Variants in CD99L2 observed in about 807,000 individuals in gnomAD.
CD99L2 encodes the protein CD99 antigen-like protein 2.
Under a neutral mutation model 27.3 loss-of-function variants are expected in CD99L2, and 24 were observed. The ratio of observed to expected loss-of-function variants is 0.88; its 90% confidence interval spans 0.64 to 1.24. The LOEUF (loss-of-function observed/expected upper bound fraction) is 1.24, where lower values mean the gene tolerates loss of function less well. Among genes scored for constraint, CD99L2 ranks in the 50% most tolerant of loss-of-function variants. The pLI is 0.00. For synonymous variants in CD99L2, 97 were observed against 87.9 expected (o/e 1.10, Z -0.58); for missense variants, 255 against 221.6 (o/e 1.15, Z -0.96).
intron 9 of CD99L2, among the ~76,000 whole-genome samples, chrX:150,771,017 A>T (rs1418090152): frequency 8.9e-6 from 1 of 112,501 alleles, no homozygotes; most frequent in African/African-American, 3.2e-5. Flanking sequence ...GACTGTACCA[A>T]GCATTCCCTC....
rs1183921087 is a variant in CD99L2 at position 150,879,919 on chromosome X, T to A, written c.67+18603A>T. Among the ~76,000 whole-genome samples the A allele has an allele frequency of 3.6e-5, 3 of 83,642 alleles. No individual in the cohort carries two copies. The Admixed American group carries it at 4.1e-4, about 12-fold the overall frequency. 72.6% of individuals were successfully genotyped at this position (83,642 alleles called of 115,157 possible). On this transcript the variant is annotated intron_variant, in intron 1 of 10. Coordinates refer to ENST00000370377, the MANE Select transcript of CD99L2 (RefSeq NM_031462.4). ...CAGCCTGGGTGACAGAGCAACACCC[T>A]GTCTCCAAAAAAAAAAAAAAAAAAA...
chrX:150,784,182 G>A (rs781867140), intron 7 of CD99L2, among the ~76,000 whole-genome samples: 1 of 110,736 alleles, frequency 9.0e-6, no homozygotes, highest in South Asian at 3.9e-4. Flanking sequence ...CCCCCATTTG[G>A]TTCCTTGTGT....
chrX:150,824,861 G>C (rs898162632), intron 2 of CD99L2, among the ~76,000 whole-genome samples: 60 of 111,978 alleles, frequency 5.4e-4, no homozygotes, highest in African/African-American at 1.9e-3. Context: ...TTTGGAAGTT[G>C]AGAATATGGG....
chrX:150,865,301 C>A (rs782692915), intron 1 of CD99L2, among the ~76,000 whole-genome samples: 6 of 109,789 alleles, frequency 5.5e-5, no homozygotes, highest in Non-Finnish European at 1.1e-4. Context: ...AGTTTGAGAC[C>A]GGCCTGGGCA....
chrX:150,850,744 T>C (rs1272944334), intron 1 of CD99L2, among the ~76,000 whole-genome samples: 1 of 112,393 alleles, frequency 8.9e-6, no homozygotes, highest in Non-Finnish European at 1.9e-5. Context: ...GCAACAACAT[T>C]GTACAGATGC....
chrX:150,789,125 T>C (rs1221553805), intron 7 of CD99L2, among the ~76,000 whole-genome samples: 1 of 1,107 alleles, frequency 9.0e-4, no homozygotes, highest in South Asian at 0.042. Flanking sequence ...TCTTTTTTTC[T>C]TTTTTTTTTT....
At chrX:150,809,476 C>A (rs903954884) in intron 4 of CD99L2, among the ~76,000 whole-genome samples, 1 of 112,098 alleles carries the variant, frequency 8.9e-6, no homozygotes, top group Non-Finnish European at 1.9e-5. Context: ...AAATAAATAT[C>A]AAAAAGCAGA....
rs1353513071 is a variant in CD99L2 at position 150,787,743 on chromosome X, C to T, written c.496+5948G>A. ...GGGAACATCACACACTGGGACCTGT[C>T]GTGGGATTGGGGGAGGGGGGAGGGA... On this transcript the variant is annotated intron_variant, in intron 7 of 10. Transcript: ENST00000370377. 1.4e-3 allele frequency among the ~76,000 whole-genome samples: 50 copies of T among 35,091 alleles called. 2 individuals are homozygous for T. The East Asian group carries it at 0.033, about 23-fold the overall frequency. The allele number at this position is 35,091 out of a possible 115,157, so 30.5% of individuals were successfully genotyped here. A position where few individuals can be genotyped will look rare whatever the true frequency, so the allele number is the denominator to read the frequency against.
intron 2 of CD99L2, among the ~76,000 whole-genome samples, chrX:150,824,613 A>AAGG (rs1569566012): frequency 3.5e-5 from 3 of 86,280 alleles, no homozygotes; most frequent in African/African-American, 1.3e-4. Flanking sequence ...GGAGAAGAAG[A>AAGG]AGGAGAAGAA....
At chrX:150,858,653 T>C (rs1557421821) in intron 1 of CD99L2, among the ~76,000 whole-genome samples, 2 of 111,377 alleles carry the variant, frequency 1.8e-5, no homozygotes, top group African/African-American at 6.5e-5. Flanking sequence ...TTGAAACAAA[T>C]GAAAATTGAA....
At chrX:150,887,887 G>A (rs1446869397) in intron 1 of CD99L2, among the ~76,000 whole-genome samples, 6 of 112,232 alleles carry the variant, frequency 5.3e-5, no homozygotes, top group Admixed American at 2.8e-4. Flanking sequence ...TAAAGAACTA[G>A]AGAGGTGAGA....
intron 1 of CD99L2, among the ~76,000 whole-genome samples, chrX:150,865,484 C>T (rs1162101750): frequency 8.9e-6 from 1 of 111,827 alleles, no homozygotes; most frequent in East Asian, 2.8e-4. Flanking sequence ...AGATAGACTA[C>T]ACAGATGGAT....
In CD99L2 at chrX:150,777,465, TGCCGTACCG is replaced by T; in HGVS notation, c.505_513del (p.Arg169_Gly171del). 8.3e-7 allele frequency: 1 copy of T among 1,211,823 alleles called. No individual in the cohort carries two copies. Among genetic ancestry groups the T allele is most frequent in the South Asian group, 1.8e-5 (1 of 56,942 alleles). On this transcript the variant is annotated inframe_deletion, in exon 8 of 11. Coordinates refer to ENST00000370377, the MANE Select transcript of CD99L2 (RefSeq NM_031462.4). ...CCACCAGATCCAGGGTCGTCATTGC[TGCCGTACCG>T]GCCATCACCTGAAGAAAAGACAAAA...
chrX:150,824,527 GAAGAAGA>G (rs1246050462), intron 2 of CD99L2, among the ~76,000 whole-genome samples: 3 of 94,544 alleles, frequency 3.2e-5, no homozygotes, highest in Non-Finnish European at 6.3e-5. Context: ...GAAGAAGAAA[GAAGAAGA>G]AAGAAGGAAG....
At chrX:150,798,598 T>A (rs782276228) in intron 4 of CD99L2, among the ~76,000 whole-genome samples, 15 of 111,842 alleles carry the variant, frequency 1.3e-4, no homozygotes, top group African/African-American at 4.9e-4. Context: ...AAGACCTAAA[T>A]ATAAAAGCTA....
At chrX:150,827,268 T>C (rs1430080139) in intron 2 of CD99L2, among the ~76,000 whole-genome samples, 1 of 111,245 alleles carries the variant, frequency 9.0e-6, no homozygotes, top group African/African-American at 3.3e-5. Flanking sequence ...TGGAGAGGCC[T>C]ATCTCTTTGA....
At chrX:150,881,195 C>G (rs2047319728) in intron 1 of CD99L2, among the ~76,000 whole-genome samples, 1 of 111,250 alleles carries the variant, frequency 9.0e-6, no homozygotes, top group South Asian at 3.8e-4. Context: ...TTCACTTCAT[C>G]CCACACTGGA....
chrX:150,817,230 T>TA (rs2124188405), intron 2 of CD99L2, among the ~76,000 whole-genome samples: 1 of 106,841 alleles, frequency 9.4e-6, no homozygotes, highest in Admixed American at 1.0e-4. Flanking sequence ...AATAAATAAA[T>TA]AAATAAATAA....
intron 7 of CD99L2, among the ~76,000 whole-genome samples, chrX:150,779,378 A>G (rs782786876): frequency 2.7e-5 from 3 of 112,112 alleles, no homozygotes; most frequent in East Asian, 2.8e-4. Flanking sequence ...CCTCAAAAAA[A>G]GTGATCCCAT....
Sources: allele counts gnomAD v4.1 joint callset (sites outside exome capture counted in the v4.1 genomes callset), GRCh38; gene constraint gnomAD v4.1.1; transcripts MANE v1.5; gene names NCBI Gene and HGNC (gene_info 2026-07-23, HGNC 2026-07-21).